Variants in CAMK2B observed in about 807,000 individuals in gnomAD.
CAMK2B encodes the protein calcium/calmodulin dependent protein kinase II beta.
In CAMK2B, 27 loss-of-function variants were observed where a neutral mutation model predicts 93.7. That is an observed-to-expected ratio of 0.29 (90% CI 0.21 to 0.40). The LOEUF is 0.40. Among genes scored for constraint, CAMK2B ranks in the 10% least tolerant of loss-of-function variants. The pLI, the probability that CAMK2B is intolerant of heterozygous loss-of-function variation, is 1.00. For synonymous variants in CAMK2B, 374 were observed against 358.8 expected (o/e 1.04, Z -0.48); for missense variants, 568 against 895.8 (o/e 0.63, Z 4.67).
At position 44,248,646 on chromosome 7, in the gene CAMK2B, G is replaced by A. The variant is rs752519348; in HGVS notation, c.342-1454C>T. On this transcript the variant is annotated intron_variant, in intron 5 of 23. Transcript: ENST00000395749. This position sits in a 1 kb window ranked among gnomAD's most constrained non-coding sequence, Gnocchi z 4.1. ...GGAGGGTGACCAGGGTCAGCAAGAT[G>A]AGTGGGCTTTGTTTTCCTAACAGCA... 1.2e-4 allele frequency among the ~76,000 whole-genome samples: 19 copies of A among 152,220 alleles called. No homozygotes were observed. Among genetic ancestry groups the A allele is most frequent in the Non-Finnish European group, 1.6e-4 (11 of 68,034 alleles).
At chr7:44,292,222 T>C (rs6969334) in intron 1 of CAMK2B, among the ~76,000 whole-genome samples, 13,569 of 152,036 alleles carry the variant, frequency 0.089, 809 homozygotes, top group Non-Finnish European at 0.12. Context: ...TACATGGCAT[T>C]CTCTCTGCTT....
At chr7:44,244,763 C>T (rs1404561034) in intron 6 of CAMK2B, 2 of 329,286 alleles carry the variant, frequency 6.1e-6, no homozygotes, top group South Asian at 2.2e-5. Flanking sequence ...GCTGTGAGCG[C>T]CCCTCAGCAG....
intron 1 of CAMK2B, among the ~76,000 whole-genome samples, chr7:44,295,719 G>T (rs1352530892): frequency 6.6e-6 from 1 of 152,198 alleles, no homozygotes; most frequent in Non-Finnish European, 1.5e-5. Context: ...ATATGCCACG[G>T]CGTTCTGTTC....
Position 44,290,303 on chromosome 7 carries a change from C to T in CAMK2B, c.66-6078G>A, listed in dbSNP as rs867853630. Among the ~76,000 whole-genome samples, 6 of 152,248 alleles carry T rather than the reference C, an allele frequency of 3.9e-5. No individual in the cohort carries two copies. The South Asian group carries it at 1.2e-3, about 32-fold the overall frequency. On this transcript the variant is annotated intron_variant, in intron 1 of 23. Coordinates refer to ENST00000395749, the MANE Select transcript of CAMK2B (RefSeq NM_001220.5). ...TTTCCCATCCAGTTTTTGCGTCTGA[C>T]GCTCCCCACGCGGGCCAGGCGCTGT...
intron 1 of CAMK2B, among the ~76,000 whole-genome samples, chr7:44,287,678 T>A (rs1349342602): frequency 6.6e-6 from 1 of 152,210 alleles, no homozygotes; most frequent in African/African-American, 2.4e-5. Context: ...CCAGTGTTTA[T>A]AAACATTGAG....
chr7:44,325,708 C>T (rs1797381258), upstream of CAMK2B: 1 of 143,908 alleles, frequency 6.9e-6, no homozygotes, highest in Non-Finnish European at 1.5e-5. Context: ...CCTGCACGCG[C>T]CTTCCCCGCG....
intron 13 of CAMK2B, among the ~76,000 whole-genome samples, chr7:44,235,803 G>A (rs2096620037): frequency 6.6e-6 from 1 of 152,236 alleles, no homozygotes; most frequent in Non-Finnish European, 1.5e-5. Flanking sequence ...CGGGAAGGAA[G>A]GTGGCACAGC....
intron 1 of CAMK2B, among the ~76,000 whole-genome samples, chr7:44,306,975 G>GAGGGTGTGAGCAGGA (rs761752139): frequency 6.3e-5 from 5 of 79,422 alleles, no homozygotes; most frequent in Admixed American, 1.3e-4. Context: ...TGTGAGAAAG[G>GAGGGTGTGAGCAGGA]GGAGGAGGGT....
intron 2 of CAMK2B, among the ~76,000 whole-genome samples, chr7:44,269,777 T>G (rs561881681): frequency 6.6e-6 from 1 of 152,182 alleles, no homozygotes; most frequent in African/African-American, 2.4e-5. Flanking sequence ...CCTCTGGAGT[T>G]GTCAGACCCA....
At position 44,230,898 on chromosome 7, in the gene CAMK2B, T is replaced by A. The variant is rs904040041; in HGVS notation, c.1225+108A>T. 10 of 934,614 alleles carry A rather than the reference T, an allele frequency of 1.1e-5. No individual in the cohort carries two copies. The Admixed American group carries it at 2.3e-4, about 22-fold the overall frequency. The allele number at this position is 934,614 out of a possible 1,614,324, so 57.9% of individuals were successfully genotyped here. ...GTCCCTGAGCCCCTCAACACATGCA[T>A]AAACTAGGCGTCGCAGGAGAGTTGA... On this transcript the variant is annotated intron_variant, in intron 17 of 23. Transcript: ENST00000395749.
Position 44,312,747 on chromosome 7 carries a change from G to A in CAMK2B, c.65+12610C>T, listed in dbSNP as rs771069228. Among the ~76,000 whole-genome samples the A allele has an allele frequency of 2.6e-5, 4 of 152,140 alleles. No individual in the cohort carries two copies. The highest frequency in any genetic ancestry group is 5.9e-5 in the Non-Finnish European group (4 of 68,026). ...GGCTGTCCTGGGTTGGATGTCATGTGGACAATTGGTCAAGATAAGAATTTG... is the reference window on the plus strand; with the variant it reads ...GGCTGTCCTGGGTTGGATGTCATGTAGACAATTGGTCAAGATAAGAATTTG... On this transcript the variant is annotated intron_variant, in intron 1 of 23. Transcript: ENST00000395749. The surrounding 1 kb of genome is among the most constrained non-coding windows in gnomAD (Gnocchi z 4.1).
intron 1 of CAMK2B, among the ~76,000 whole-genome samples, chr7:44,321,260 C>T (rs568014272): frequency 1.3e-5 from 2 of 152,354 alleles, no homozygotes; most frequent in East Asian, 3.9e-4. Flanking sequence ...TCACAGTGTG[C>T]CTCTCGGCAG....
chr7:44,288,611 G>A (rs188892944), intron 1 of CAMK2B, among the ~76,000 whole-genome samples: 2 of 152,286 alleles, frequency 1.3e-5, no homozygotes, highest in Non-Finnish European at 2.9e-5. Context: ...GCATATTATG[G>A]GGCTTTTAAA....
chr7:44,304,765 A>G (rs1207141500), intron 1 of CAMK2B, among the ~76,000 whole-genome samples: 1 of 152,222 alleles, frequency 6.6e-6, no homozygotes, highest in African/African-American at 2.4e-5. Context: ...TTAATAATAT[A>G]TTAATATTGG....
At chr7:44,241,862 C>A in intron 10 of CAMK2B, 79 bp from the exon 11 acceptor site, 1 of 1,175,094 alleles carries the variant, frequency 8.5e-7, no homozygotes. Flanking sequence ...CTTGTGGCAC[C>A]CTGGGGTCCC....
At chr7:44,274,988 T>TGGTCTTTA (rs2097018604) in intron 2 of CAMK2B, among the ~76,000 whole-genome samples, 1 of 152,200 alleles carries the variant, frequency 6.6e-6, no homozygotes, top group African/African-American at 2.4e-5. Flanking sequence ...AGGGAGGCGA[T>TGGTCTTTA]GGTCTTTAGG....
intron 8 of CAMK2B, 33 bp downstream of exon 8, chr7:44,243,217 C>T: frequency 6.5e-7 from 1 of 1,546,722 alleles, no homozygotes; most frequent in Middle Eastern, 1.7e-4. Flanking sequence ...ACACCCGAGG[C>T]CCTGCCCCGC....
chr7:44,269,651 C>G (rs1056003363), intron 2 of CAMK2B, among the ~76,000 whole-genome samples: 4 of 152,154 alleles, frequency 2.6e-5, no homozygotes, highest in Non-Finnish European at 5.9e-5. Flanking sequence ...AACAGCAGAG[C>G]TGGCACCTCC....
intron 2 of CAMK2B, among the ~76,000 whole-genome samples, chr7:44,273,938 C>CA (rs34216833): frequency 0.31 from 46,930 of 152,118 alleles, 7,933 homozygotes; most frequent in Non-Finnish European, 0.38. Flanking sequence ...AGCACTGCCA[C>CA]ATTTTTTAAG....
Sources: gnomAD v4.1 joint callset for allele counts (sites outside exome capture counted in the v4.1 genomes callset) on GRCh38, gnomAD v4.1.1 for gene constraint, Gnocchi (gnomAD v3.1) non-coding constraint, MANE v1.5 for transcripts, NCBI Gene and HGNC (gene_info 2026-07-23, HGNC 2026-07-21) for gene names.